Variants in ADAMTS20 observed in about 807,000 individuals in gnomAD.
ADAMTS20 encodes the protein A disintegrin and metalloproteinase with thrombospondin motifs 20.
In ADAMTS20, 225 loss-of-function variants were observed where a neutral mutation model predicts 260.1. That is an observed-to-expected ratio of 0.87 (90% CI 0.78 to 0.97). The LOEUF (loss-of-function observed/expected upper bound fraction) is 0.97, where lower values mean the gene tolerates loss of function less well. ADAMTS20 is among the 50% of genes least tolerant of loss of function. ADAMTS20 has a pLI of 0.00. For synonymous variants in ADAMTS20, 802 were observed against 769.5 expected (o/e 1.04, Z -0.70); for missense variants, 2,400 against 2,337.7 (o/e 1.03, Z -0.55).
chr12:43,510,466 A>G (rs1339151022), intron 3 of ADAMTS20, among the ~76,000 whole-genome samples: 1 of 149,012 alleles, frequency 6.7e-6, no homozygotes, highest in Non-Finnish European at 1.5e-5. Context: ...TTTTGTATTT[A>G]TACCTAAGTG....
intron 3 of ADAMTS20, among the ~76,000 whole-genome samples, chr12:43,524,089 G>A (rs1177821558): frequency 1.2e-5 from 1 of 85,296 alleles, no homozygotes; most frequent in Non-Finnish European, 2.5e-5. Flanking sequence ...TAAACATTGT[G>A]CCCAGGAAGG....
chr12:43,433,932 T>A, intron 19 of ADAMTS20: 1 of 372,806 alleles, frequency 2.7e-6, no homozygotes, highest in South Asian at 2.3e-5. Flanking sequence ...CTAAAAAATT[T>A]ATTGTTTCAG....
chr12:43,492,714 T>G (rs911698268), intron 5 of ADAMTS20, 85 bp from the exon 6 acceptor site: 2 of 1,463,738 alleles, frequency 1.4e-6, no homozygotes, highest in Non-Finnish European at 1.9e-6. Flanking sequence ...GCACAATTTA[T>G]CAAATAGCAT....
At chr12:43,458,059 G>C (rs536130509) in intron 11 of ADAMTS20, among the ~76,000 whole-genome samples, 2 of 152,178 alleles carry the variant, frequency 1.3e-5, no homozygotes, top group African/African-American at 2.4e-5. Context: ...TGCCAAAGGT[G>C]GTGGGGGCAC....
At chr12:43,486,943 G>A (rs1052679883) in intron 7 of ADAMTS20, among the ~76,000 whole-genome samples, 2 of 152,098 alleles carry the variant, frequency 1.3e-5, no homozygotes, top group East Asian at 3.9e-4. Context: ...GCATAGATGT[G>A]GTAAAAAAGA....
At chr12:43,472,245 GATGAAATGA>G (rs1445987229) in intron 7 of ADAMTS20, among the ~76,000 whole-genome samples, 7 of 151,798 alleles carry the variant, frequency 4.6e-5, no homozygotes, top group Non-Finnish European at 1.5e-5. Context: ...AGTGATGGAA[GATGAAATGA>G]ATGAAATGAA....
At chr12:43,472,847 G>A (rs1365144081) in intron 7 of ADAMTS20, among the ~76,000 whole-genome samples, 1 of 149,722 alleles carries the variant, frequency 6.7e-6, no homozygotes, top group African/African-American at 2.5e-5. Flanking sequence ...CGCTAAACAT[G>A]GAAAGGAACA....
Position 43,383,847 on chromosome 12 carries a change from TG to T in ADAMTS20, c.4582del (p.Gln1528ArgfsTer14). The T allele has an allele frequency of 6.2e-7, 1 of 1,613,972 alleles. No homozygotes were observed. The highest frequency in any genetic ancestry group is 8.5e-7 in the Non-Finnish European group (1 of 1,179,842). On this transcript the variant is annotated frameshift_variant, in exon 30 of 39. Transcript: ENST00000389420. LOFTEE classifies it high-confidence loss of function. Reference sequence around the variant, plus strand: ...CATCCCCTTGTGCTGCACACAGTCCTGACTCCAACATCGCCTCTGAGAACAA... The same window carrying T: ...CATCCCCTTGTGCTGCACACAGTCCTACTCCAACATCGCCTCTGAGAACAA... Reference protein sequence around the residue: ...RPCSQRRCWSQDCVQHKGMER... With the variant: ...RPCSQRRCWSXDCVQHKGMER...
At chr12:43,451,363 C>T (rs1240101772) in intron 14 of ADAMTS20, among the ~76,000 whole-genome samples, 1 of 152,128 alleles carries the variant, frequency 6.6e-6, no homozygotes, top group African/African-American at 2.4e-5. Context: ...CTCTGACCTA[C>T]AACCCTGTTA....
At chr12:43,520,574 A>G (rs1272358582) in intron 3 of ADAMTS20, among the ~76,000 whole-genome samples, 4 of 152,200 alleles carry the variant, frequency 2.6e-5, no homozygotes, top group African/African-American at 4.8e-5. Flanking sequence ...CTGTAACAGT[A>G]AGACCAAGAA....
At position 43,462,905 on chromosome 12, in the gene ADAMTS20, C is replaced by T. The variant is rs1262847471; in HGVS notation, c.1604G>A (p.Gly535Asp). Residue 535 changes from glycine to aspartate, a missense_variant, in exon 11 of 39, where the codon GGT becomes GAT. By Grantham distance (94) the Gly-to-Asp change is moderately conservative (BLOSUM62 -1). Coordinates refer to ENST00000389420, the MANE Select transcript of ADAMTS20 (RefSeq NM_025003.5). Reference protein sequence around the residue: ...HVPPADGTDCGPGMHCRHGLC... With the variant: ...HVPPADGTDCDPGMHCRHGLC... The stretch of plus-strand genomic sequence containing the variant: ...TTCAAGAAAACCTACCATTCCAGGA[C>T]CGCAGTCTGTTCCATCTGCTGGTGG... 40 of 1,604,038 alleles carry T rather than the reference C, an allele frequency of 2.5e-5. No homozygotes were observed. The highest frequency in any genetic ancestry group is 2.9e-5 in the Non-Finnish European group (34 of 1,174,692).
At chr12:43,502,472 A>T in intron 3 of ADAMTS20, 67 bp from the exon 4 acceptor site, 1 of 1,456,232 alleles carries the variant, frequency 6.9e-7, no homozygotes, top group African/African-American at 1.4e-5. Flanking sequence ...ATCGCAAAAA[A>T]TAGAACAGCC....
Position 43,550,967 on chromosome 12 carries a change from C to T in ADAMTS20, c.395G>A (p.Arg132His), listed in dbSNP as rs531290635. 5.6e-6 allele frequency: 9 copies of T among 1,603,820 alleles called. No individual in the cohort carries two copies. In the East Asian group the frequency reaches 6.7e-5, roughly 12 times the overall value. Residue 132 changes from arginine (R) to histidine (H), a missense_variant, in exon 2 of 39, where the codon CGC (arginine) becomes CAC (histidine). Physicochemically the swap from Arg to His is conservative, Grantham distance 29 (BLOSUM62 0). Transcript: ENST00000389420. ...GPSDLRHCFY[R>H]GQVNSQEDYK... ...ATCCTCCTGTGAGTTGACCTGGCCG[C>T]GGTAGAAGCAGTGGCGCAGGTCCGA...
chr12:43,388,517 G>A (rs1041927344), intron 29 of ADAMTS20, among the ~76,000 whole-genome samples: 1 of 152,200 alleles, frequency 6.6e-6, no homozygotes. Context: ...TCAATGGATA[G>A]GAGTTTTGGA....
intron 18 of ADAMTS20, 94 bp from the exon 19 acceptor site, chr12:43,434,465 C>T (rs750720539): frequency 3.5e-5 from 46 of 1,319,428 alleles, no homozygotes; most frequent in Non-Finnish European, 4.7e-5. Flanking sequence ...TTAAAGGAGC[C>T]AGCTAAGCAA....
intron 28 of ADAMTS20, among the ~76,000 whole-genome samples, chr12:43,413,030 C>T (rs1171610298): frequency 2.6e-5 from 4 of 151,866 alleles, no homozygotes. Flanking sequence ...AAGAAGGTCT[C>T]GATCTTCTGA....
rs565096082 is a variant in ADAMTS20, at chr12:43,446,591, T to A, written c.2197+4A>T. On this transcript the variant is annotated splice_donor_region_variant and intron_variant, in intron 15 of 38. Coordinates refer to ENST00000389420, the MANE Select transcript of ADAMTS20 (RefSeq NM_025003.5). ...CGAAATCTAGAAACAAATACACAAC[T>A]TACCATAATGAGAACTGTTGAAGAC... 1 of 1,608,286 alleles carries A rather than the reference T, an allele frequency of 6.2e-7. No individual in the cohort carries two copies. Among genetic ancestry groups the A allele is most frequent in the East Asian group, 2.2e-5 (1 of 44,826 alleles).
At chr12:43,501,140 C>A (rs1565573731) in intron 4 of ADAMTS20, among the ~76,000 whole-genome samples, 1 of 145,910 alleles carries the variant, frequency 6.9e-6, no homozygotes, top group Non-Finnish European at 1.5e-5. Context: ...CTCACTGCAA[C>A]CTCTGCCTCC....
chr12:43,411,035 A>G (rs1051907677), intron 28 of ADAMTS20, among the ~76,000 whole-genome samples: 1 of 152,216 alleles, frequency 6.6e-6, no homozygotes, highest in African/African-American at 2.4e-5. Context: ...AGAGAGGGAA[A>G]AACATATCTT....
Sources: allele counts gnomAD v4.1 joint callset (sites outside exome capture counted in the v4.1 genomes callset), GRCh38; gene constraint gnomAD v4.1.1; transcripts MANE v1.5; gene names NCBI Gene and HGNC (gene_info 2026-07-23, HGNC 2026-07-21).